PDE7B: variants seen among roughly 807,000 people sequenced by gnomAD.
The protein encoded by PDE7B is 3',5'-cyclic-AMP phosphodiesterase 7B.
In PDE7B, 29 loss-of-function variants were observed where a neutral mutation model predicts 56.2. The ratio of observed to expected loss-of-function variants is 0.52; its 90% CI spans 0.38 to 0.70. The LOEUF (loss-of-function observed/expected upper bound fraction) is 0.70, where lower values mean the gene tolerates loss of function less well. Ranked by LOEUF, PDE7B falls within the 30% of genes least tolerant of loss-of-function variation. The pLI, the probability that PDE7B is intolerant of heterozygous loss-of-function variation, is 0.00. For synonymous variants in PDE7B, 197 were observed against 196.9 expected, an observed-to-expected ratio of 1.00 and a Z score of 0.00; for missense variants, 490 against 565.0, an observed-to-expected ratio of 0.87 and a Z score of 1.35.
At chr6:135,944,801 T>C (rs780427140) in intron 1 of PDE7B, among the ~76,000 whole-genome samples, 16 of 152,228 alleles carry the variant, frequency 1.1e-4, no homozygotes, top group Non-Finnish European at 2.2e-4. Flanking sequence ...CCTTGGGCTA[T>C]GATAGCAAAG....
At chr6:135,920,873 A>G (rs1252219546) in intron 1 of PDE7B, among the ~76,000 whole-genome samples, 1 of 152,188 alleles carries the variant, frequency 6.6e-6, no homozygotes, top group Non-Finnish European at 1.5e-5. Context: ...CTTCATCAGT[A>G]AGTGCTGGGG....
intron 2 of PDE7B, among the ~76,000 whole-genome samples, chr6:136,066,152 G>A (rs1185136302): frequency 1.3e-5 from 2 of 152,170 alleles, no homozygotes; most frequent in Admixed American, 6.5e-5. Flanking sequence ...TACCTGCGAG[G>A]CAATACAGCA....
chr6:136,009,152 T>C (rs1472728549), intron 2 of PDE7B, among the ~76,000 whole-genome samples: 1 of 152,080 alleles, frequency 6.6e-6, no homozygotes, highest in South Asian at 2.1e-4. Flanking sequence ...TGTAGATATG[T>C]GGCATTATTT....
At chr6:135,888,798 A>G (rs1775756753) in intron 1 of PDE7B, among the ~76,000 whole-genome samples, 1 of 152,138 alleles carries the variant, frequency 6.6e-6, no homozygotes, top group African/African-American at 2.4e-5. Context: ...CTGTGTTTAT[A>G]AATATTTTTT....
At chr6:135,913,563 T>A (rs1776246857) in intron 1 of PDE7B, among the ~76,000 whole-genome samples, 1 of 152,126 alleles carries the variant, frequency 6.6e-6, no homozygotes, top group South Asian at 2.1e-4. Context: ...ATCCTACCAA[T>A]GCCTGTCCCA....
At chr6:135,896,265 A>G (rs1319231746) in intron 1 of PDE7B, among the ~76,000 whole-genome samples, 1 of 152,098 alleles carries the variant, frequency 6.6e-6, no homozygotes, top group African/African-American at 2.4e-5. Context: ...AACATGTATG[A>G]GCCTTGGTTC....
intron 2 of PDE7B, among the ~76,000 whole-genome samples, chr6:136,070,686 C>T (rs772718278): frequency 3.3e-5 from 5 of 152,104 alleles, no homozygotes; most frequent in Non-Finnish European, 5.9e-5. Flanking sequence ...AACACACTCT[C>T]ATTTAGAATG....
intron 2 of PDE7B, among the ~76,000 whole-genome samples, chr6:135,988,156 C>T (rs1000198568): frequency 6.6e-6 from 1 of 152,084 alleles, no homozygotes; most frequent in African/African-American, 2.4e-5. Flanking sequence ...AAAGAAACCA[C>T]AGTTCCTTAT....
At chr6:135,958,668 A>T (rs1774843342) in intron 2 of PDE7B, among the ~76,000 whole-genome samples, 1 of 152,200 alleles carries the variant, frequency 6.6e-6, no homozygotes, top group South Asian at 2.1e-4. Context: ...TATTAAATAA[A>T]TAAATACTTG....
At chr6:135,894,414 G>C (rs1428391641) in intron 1 of PDE7B, among the ~76,000 whole-genome samples, 2 of 152,110 alleles carry the variant, frequency 1.3e-5, no homozygotes, top group Non-Finnish European at 2.9e-5. Flanking sequence ...TCCAAGGAGT[G>C]GGGAAATTAG....
intron 2 of PDE7B, among the ~76,000 whole-genome samples, chr6:136,103,990 T>C (rs540082220): frequency 1.3e-5 from 2 of 152,290 alleles, no homozygotes; most frequent in Admixed American, 6.5e-5. Flanking sequence ...TAGCACAAGC[T>C]TTTATTAACC....
intron 1 of PDE7B, among the ~76,000 whole-genome samples, chr6:135,946,149 C>A (rs1440005015): frequency 1.3e-5 from 2 of 151,660 alleles, no homozygotes; most frequent in Non-Finnish European, 2.9e-5. Flanking sequence ...AAAATATGGA[C>A]AATTGTTTTT....
At chr6:135,878,292 G>A (rs1044745378) in intron 1 of PDE7B, among the ~76,000 whole-genome samples, 2 of 151,624 alleles carry the variant, frequency 1.3e-5, no homozygotes, top group Non-Finnish European at 2.9e-5. Context: ...TTTTAAAATA[G>A]TGTGTTTATA....
intron 8 of PDE7B, chr6:136,166,531 TAGGC>T (rs1018203016): frequency 1.3e-5 from 2 of 153,620 alleles, no homozygotes; most frequent in African/African-American, 4.8e-5. Flanking sequence ...GCAAAGAGAG[TAGGC>T]ACCTCACACG....
chr6:136,121,265 G>A (rs182606598), intron 3 of PDE7B, among the ~76,000 whole-genome samples: 1 of 152,236 alleles, frequency 6.6e-6, no homozygotes, highest in East Asian at 1.9e-4. Flanking sequence ...TTTCTCCCAA[G>A]AGATGCCAAG....
intron 1 of PDE7B, among the ~76,000 whole-genome samples, chr6:135,858,519 A>G (rs548793035): frequency 1.3e-5 from 2 of 152,100 alleles, no homozygotes. Flanking sequence ...AATTTCTCCC[A>G]TGTACCTTTG....
At chr6:136,010,325 G>A (rs973102421) in intron 2 of PDE7B, among the ~76,000 whole-genome samples, 4 of 150,192 alleles carry the variant, frequency 2.7e-5, no homozygotes, top group Non-Finnish European at 4.4e-5. Context: ...TCTATACCAG[G>A]TTTTAGGAAT....
At chr6:136,160,053 G>T (rs1583915724) in intron 8 of PDE7B, among the ~76,000 whole-genome samples, 1 of 152,250 alleles carries the variant, frequency 6.6e-6, no homozygotes. Context: ...TTTTGCCTTA[G>T]AAGTTGGAAG....
intron 2 of PDE7B, chr6:136,071,056 C>G (rs1470369911): frequency 6.6e-6 from 1 of 152,114 alleles, no homozygotes; most frequent in Non-Finnish European, 1.5e-5. Flanking sequence ...GACCAAGAAG[C>G]TCCAGGAATC....
Sources: allele counts gnomAD v4.1 joint callset (sites outside exome capture counted in the v4.1 genomes callset), GRCh38; gene constraint gnomAD v4.1.1; transcripts MANE v1.5; gene names NCBI Gene and HGNC (gene_info 2026-07-23, HGNC 2026-07-21).